The following NPAS3 variants were observed in gnomAD, a reference collection of about 807,000 sequenced individuals.
NPAS3 encodes the protein neuronal PAS domain protein 3, also known as neuronal PAS domain-containing protein 3.
Under a neutral mutation model 73.1 loss-of-function variants are expected in NPAS3, and 14 were observed. The observed-to-expected ratio is 0.19, with a 90% CI of 0.13 to 0.30. NPAS3 has a LOEUF of 0.30. Among genes scored for constraint, NPAS3 ranks in the 10% least tolerant of loss-of-function variants. NPAS3 has a pLI of 1.00. For synonymous variants in NPAS3, 620 were observed against 541.5 expected, an observed-to-expected ratio of 1.14 and a Z score of -2.01; for missense variants, 1,096 against 1,250.0, an observed-to-expected ratio of 0.88 and a Z score of 1.86.
At chr14:32,989,667 C>CAACAACAACAACAA (rs1555316479) in intron 1 of NPAS3, among the ~76,000 whole-genome samples, 14 of 121,406 alleles carry the variant, frequency 1.2e-4, no homozygotes, top group African/African-American at 3.8e-4. Flanking sequence ...ACAACAACAA[C>CAACAACAACAACAA]AACAAAACAA....
At position 33,210,382 on chromosome 14, in the gene NPAS3, A is replaced by G. The variant is rs150586004; in HGVS notation, c.141-4800A>G. On this transcript the variant is annotated intron_variant, in intron 2 of 11. Transcript: ENST00000356141. Reference sequence around the variant, plus strand: ...CCTTTTTTCAAACTTTTTTGGGGATATATTTTGCTGGCTTCTAGCTTGAAA... The same window carrying G: ...CCTTTTTTCAAACTTTTTTGGGGATGTATTTTGCTGGCTTCTAGCTTGAAA... Among the ~76,000 whole-genome samples the G allele has an allele frequency of 1.7e-3, 266 of 152,220 alleles. 1 individual carries two copies. Among genetic ancestry groups the G allele is most frequent in the African/African-American group, 6.0e-3 (250 of 41,538 alleles).
At chr14:33,449,816 G>A (rs888310755) in intron 4 of NPAS3, among the ~76,000 whole-genome samples, 1 of 152,090 alleles carries the variant, frequency 6.6e-6, no homozygotes, top group African/African-American at 2.4e-5. Flanking sequence ...GCTTCATGTT[G>A]TCTTGTAACC....
chr14:33,099,865 A>G (rs552296421), intron 2 of NPAS3, among the ~76,000 whole-genome samples: 7 of 152,322 alleles, frequency 4.6e-5, no homozygotes, highest in African/African-American at 1.7e-4. Flanking sequence ...TTATATTCTC[A>G]GATTCTTGTA....
chr14:33,029,946 C>G (rs951937465), intron 1 of NPAS3, among the ~76,000 whole-genome samples: 4 of 152,204 alleles, frequency 2.6e-5, no homozygotes, highest in African/African-American at 4.8e-5. Flanking sequence ...AGAATTACAA[C>G]TTTGAATCAG....
intron 4 of NPAS3, among the ~76,000 whole-genome samples, chr14:33,426,862 A>G (rs2048574989): frequency 1.3e-5 from 2 of 152,088 alleles, no homozygotes; most frequent in African/African-American, 2.4e-5. Context: ...AAGGTGTCAC[A>G]TTTGCAGTGA....
At chr14:32,966,045 T>A (rs2037141663) in intron 1 of NPAS3, among the ~76,000 whole-genome samples, 1 of 152,082 alleles carries the variant, frequency 6.6e-6, no homozygotes, top group Non-Finnish European at 1.5e-5. Flanking sequence ...TGAAATAAAT[T>A]GAAGAGGACA....
At chr14:33,586,051 C>T (rs983112914) in intron 5 of NPAS3, 4 of 151,838 alleles carry the variant, frequency 2.6e-5, no homozygotes, top group African/African-American at 9.7e-5. Context: ...TTATGAGGCA[C>T]CTAGCAAGGG....
intron 4 of NPAS3, among the ~76,000 whole-genome samples, chr14:33,428,134 T>C (rs12587594): frequency 1.3e-5 from 2 of 152,028 alleles, no homozygotes; most frequent in East Asian, 1.9e-4. Flanking sequence ...GGAGAGATGG[T>C]CTTTGCTGTA....
chr14:33,089,870 A>G (rs891225262), intron 2 of NPAS3, among the ~76,000 whole-genome samples: 2 of 152,226 alleles, frequency 1.3e-5, no homozygotes, highest in African/African-American at 4.8e-5. Flanking sequence ...AAGAATTTTC[A>G]ACCTAAAATT....
At chr14:33,437,600 T>C (rs944238068) in intron 4 of NPAS3, among the ~76,000 whole-genome samples, 4 of 152,160 alleles carry the variant, frequency 2.6e-5, no homozygotes, top group African/African-American at 9.7e-5. Context: ...TAAATAGCCC[T>C]TCCTTTTGAG....
chr14:33,240,351 G>C (rs995875555), intron 3 of NPAS3, among the ~76,000 whole-genome samples: 13 of 151,404 alleles, frequency 8.6e-5, no homozygotes, highest in African/African-American at 3.1e-4. Flanking sequence ...TCCATTTTGG[G>C]TCCCTACTCT....
At chr14:33,364,570 A>G (rs1173312896) in intron 3 of NPAS3, among the ~76,000 whole-genome samples, 2 of 152,208 alleles carry the variant, frequency 1.3e-5, no homozygotes, top group East Asian at 1.9e-4. Context: ...ATAGAATAGC[A>G]TGAAACTACT....
At chr14:33,419,288 A>G (rs1343640868) in intron 4 of NPAS3, among the ~76,000 whole-genome samples, 1 of 151,942 alleles carries the variant, frequency 6.6e-6, no homozygotes, top group Non-Finnish European at 1.5e-5. Flanking sequence ...AAGATAAGAA[A>G]GAATAATAAA....
intron 2 of NPAS3, among the ~76,000 whole-genome samples, chr14:33,065,391 A>G (rs1304134200): frequency 6.6e-6 from 1 of 152,118 alleles, no homozygotes; most frequent in Non-Finnish European, 1.5e-5. Context: ...TGTCTGCTGC[A>G]TTATCCTCTA....
At chr14:33,424,066 A>G (rs772202530) in intron 4 of NPAS3, among the ~76,000 whole-genome samples, 5 of 152,046 alleles carry the variant, frequency 3.3e-5, no homozygotes, top group Non-Finnish European at 7.4e-5. Context: ...TGAAAACAAA[A>G]TTGCAGCTAT....
intron 9 of NPAS3, among the ~76,000 whole-genome samples, chr14:33,779,306 G>A (rs758633195): frequency 1.3e-5 from 2 of 152,178 alleles, no homozygotes; most frequent in Admixed American, 6.5e-5. Flanking sequence ...GCAGGACCCC[G>A]CATCCAACCG....
chr14:33,188,562 C>A (rs1479355630), intron 2 of NPAS3, among the ~76,000 whole-genome samples: 3 of 152,174 alleles, frequency 2.0e-5, no homozygotes, highest in Non-Finnish European at 4.4e-5. Context: ...AAACTTCCTA[C>A]ACATGTGGCA....
chr14:33,321,028 C>T (rs2043421037), intron 3 of NPAS3, among the ~76,000 whole-genome samples: 1 of 152,084 alleles, frequency 6.6e-6, no homozygotes, highest in African/African-American at 2.4e-5. Flanking sequence ...ATGCAAAGCA[C>T]CACACTAAGA....
In NPAS3 at chr14:33,758,387, C is replaced by T. The variant is rs1223331915; in HGVS notation, c.853-15950C>T. 2.0e-5 allele frequency among the ~76,000 whole-genome samples: 3 copies of T among 152,224 alleles called. No individual in the cohort carries two copies. In the East Asian group the frequency reaches 5.8e-4, roughly 29 times the overall value. ...CCTAGTGCCTTGTCAGGATGGCTCT[C>T]CTCTTTGCTACTTCTGCACGGGGCA... On this transcript the variant is annotated intron_variant, in intron 7 of 11. Coordinates refer to ENST00000356141, the Ensembl canonical transcript of NPAS3.
Sources: gnomAD v4.1 joint callset for allele counts (sites outside exome capture counted in the v4.1 genomes callset) on GRCh38, gnomAD v4.1.1 for gene constraint, MANE v1.5 for transcripts, NCBI Gene and HGNC (gene_info 2026-07-23, HGNC 2026-07-21) for gene names.